Variants in XG observed in about 807,000 individuals in gnomAD.
XG encodes the protein Xg glycoprotein (Xg blood group).
In XG, 24 loss-of-function variants were observed where a neutral mutation model predicts 25.7. The observed-to-expected ratio is 0.93, with a 90% CI of 0.68 to 1.31. The LOEUF is 1.31. Among genes scored for constraint, XG ranks in the 40% most tolerant of loss-of-function variants. XG has a pLI of 0.00. For missense variants in XG, 181 were observed against 187.6 expected (o/e 0.96, Z 0.21); for synonymous variants, 77 against 69.2 (o/e 1.11, Z -0.56).
At chrX:2,777,156 A>T (rs765572177) in intron 3 of XG, among the ~76,000 whole-genome samples, 1 of 152,338 alleles carries the variant, frequency 6.6e-6, no homozygotes, top group South Asian at 2.1e-4. Flanking sequence ...ATTGCAAACA[A>T]GCCGGTAAAA....
intron 3 of XG, 121 bp downstream of exon 3, chrX:2,774,860 C>A: frequency 7.7e-7 from 1 of 1,299,956 alleles, no homozygotes; most frequent in Non-Finnish European, 1.1e-6. Flanking sequence ...AACAACTGTA[C>A]CAGATAGCAG....
At chrX:2,760,026 C>G (rs2050529035) in intron 1 of XG, among the ~76,000 whole-genome samples, 1 of 152,194 alleles carries the variant, frequency 6.6e-6, no homozygotes, top group Non-Finnish European at 1.5e-5. Context: ...AGGCGTGTGC[C>G]TGTAATCCCA....
intron 1 of XG, among the ~76,000 whole-genome samples, chrX:2,759,829 G>C (rs1351796930): frequency 1.3e-5 from 2 of 152,218 alleles, no homozygotes; most frequent in South Asian, 2.1e-4. Flanking sequence ...AAAGCTCCTG[G>C]GGATTCCCCC....
chrX:2,787,880 C>T (rs762442339), intron 4 of XG, among the ~76,000 whole-genome samples: 3 of 99,855 alleles, frequency 3.0e-5, no homozygotes, highest in Admixed American at 1.1e-4. Context: ...GCACTCCAGC[C>T]TGGGCAACAA....
At chrX:2,759,026 A>G (rs2050500387) in intron 1 of XG, among the ~76,000 whole-genome samples, 1 of 33,304 alleles carries the variant, frequency 3.0e-5, no homozygotes, top group Non-Finnish European at 8.4e-5. Context: ...CTATGTATCT[A>G]TCTATGTATC....
At chrX:2,799,173 A>C (rs1452302059) in intron 7 of XG, among the ~76,000 whole-genome samples, 16 of 110,757 alleles carry the variant, frequency 1.4e-4, no homozygotes, top group Non-Finnish European at 2.6e-4. Context: ...TTTGGTGTAC[A>C]CATTATGTCA....
intron 1 of XG, among the ~76,000 whole-genome samples, chrX:2,755,476 A>G (rs1341612730): frequency 6.6e-6 from 1 of 152,072 alleles, no homozygotes; most frequent in Non-Finnish European, 1.5e-5. Flanking sequence ...CTTCTTTACT[A>G]CCACCTGTTT....
intron 3 of XG, among the ~76,000 whole-genome samples, chrX:2,776,085 C>G (rs1447718544): frequency 2.0e-5 from 3 of 152,044 alleles, no homozygotes; most frequent in South Asian, 2.1e-4. Flanking sequence ...GTCAGGAGAT[C>G]GAGACCATCC....
At chrX:2,753,722 A>T (rs969308753) in intron 1 of XG, among the ~76,000 whole-genome samples, 4 of 151,968 alleles carry the variant, frequency 2.6e-5, no homozygotes, top group African/African-American at 9.7e-5. Context: ...AGCTGGGATT[A>T]TAGGTGCCCA....
intron 1 of XG, among the ~76,000 whole-genome samples, chrX:2,762,294 C>A (rs1225734665): frequency 2.0e-5 from 3 of 152,154 alleles, no homozygotes; most frequent in Non-Finnish European, 4.4e-5. Context: ...ATTCTCATTA[C>A]CAATGTCTGC....
chrX:2,799,850 G>A (rs1208783053), intron 7 of XG, among the ~76,000 whole-genome samples: 2 of 111,606 alleles, frequency 1.8e-5, no homozygotes, highest in Non-Finnish European at 3.8e-5. Context: ...TTCACAATGC[G>A]TACTCCGTGT....
At position 2,814,315 on chromosome X, in the gene XG, C is replaced by CTTT. The variant is rs3830299; in HGVS notation, c.572-41_572-39dup. On this transcript the variant is annotated intron_variant, in intron 10 of 10. Coordinates refer to ENST00000644266, the MANE Select transcript of XG (RefSeq NM_001141919.2). ...TTTTCTTTTTCTCTGTTTAATAAGACTTTTTTTTTTGCCCCCACAATGACA... is the reference window on the plus strand; with the variant it reads ...TTTTCTTTTTCTCTGTTTAATAAGACTTTTTTTTTTTTTGCCCCCACAATGACA... The CTTT allele has an allele frequency of 3.9e-3, 3,524 of 912,529 alleles. 21 individuals carry two copies. Among genetic ancestry groups the CTTT allele is most frequent in the African/African-American group, 0.03 (1,442 of 48,528 alleles). 75.2% of individuals were successfully genotyped at this position (912,529 alleles called of 1,213,427 possible). A position where few individuals can be genotyped will look rare whatever the true frequency, so the allele number is the denominator to read the frequency against.
At chrX:2,773,842 G>C (rs2050907182) in intron 2 of XG, among the ~76,000 whole-genome samples, 1 of 149,324 alleles carries the variant, frequency 6.7e-6, no homozygotes, top group South Asian at 2.1e-4. Flanking sequence ...AAGGAGAGAA[G>C]GAAGGAAGGA....
chrX:2,773,965 G>A (rs920723526), intron 2 of XG, among the ~76,000 whole-genome samples: 2 of 152,118 alleles, frequency 1.3e-5, no homozygotes, highest in African/African-American at 4.8e-5. Flanking sequence ...GGAGGTTCAA[G>A]CTCTCCTTCT....
chrX:2,771,061 C>T (rs1459842737), intron 2 of XG, among the ~76,000 whole-genome samples: 1 of 151,908 alleles, frequency 6.6e-6, no homozygotes, highest in Non-Finnish European at 1.5e-5. Flanking sequence ...ACTATGTTGC[C>T]CAGGCTGGTC....
chrX:2,758,470 T>A (rs2050485465), intron 1 of XG, among the ~76,000 whole-genome samples: 1 of 152,228 alleles, frequency 6.6e-6, no homozygotes, highest in South Asian at 2.1e-4. Flanking sequence ...TGGTTACCTT[T>A]GCGTGGAGTC....
chrX:2,799,749 C>G (rs968869787), intron 7 of XG, among the ~76,000 whole-genome samples: 4 of 111,303 alleles, frequency 3.6e-5, no homozygotes, highest in African/African-American at 9.8e-5. Flanking sequence ...ATTTAGGAAC[C>G]AAAAGGGGGA....
At chrX:2,794,228 C>G (rs1281359788) in intron 5 of XG, among the ~76,000 whole-genome samples, 3 of 111,584 alleles carry the variant, frequency 2.7e-5, no homozygotes, top group African/African-American at 9.8e-5. Flanking sequence ...AGCAGGCAGA[C>G]ACGACAGCCT....
At position 2,795,995 on chromosome X, in the gene XG, A is replaced by C. The variant is rs149790623; in HGVS notation, c.323-1315A>C. 1.3e-3 allele frequency among the ~76,000 whole-genome samples: 138 copies of C among 109,179 alleles called. 2 individuals carry two copies. The East Asian group carries it at 0.036, about 28-fold the overall frequency. 94.8% of individuals were successfully genotyped at this position (109,179 alleles called of 115,157 possible). A position where few individuals can be genotyped will look rare whatever the true frequency, so the allele number is the denominator to read the frequency against. On this transcript the variant is annotated intron_variant, in intron 6 of 10. Coordinates refer to ENST00000644266, the MANE Select transcript of XG (RefSeq NM_001141919.2). ...CTAATGTATCTTTATATATATCTTT[A>C]ATATATCTTTATATACATGTACATT...
Sources: gnomAD v4.1 joint callset for allele counts (sites outside exome capture counted in the v4.1 genomes callset) on GRCh38, gnomAD v4.1.1 for gene constraint, MANE v1.5 for transcripts, NCBI Gene and HGNC (gene_info 2026-07-23, HGNC 2026-07-21) for gene names.